PCDHB10: variants seen among roughly 807,000 people sequenced by gnomAD.
PCDHB10 encodes protocadherin beta 10.
For synonymous variants in PCDHB10, 448 were observed against 449.2 expected, an observed-to-expected ratio of 1.00 and a Z score of 0.04; for missense variants, 1,046 against 1,004.7, an observed-to-expected ratio of 1.04 and a Z score of -0.56.
In PCDHB10 at chr5:141,194,887, C is replaced by T; in HGVS notation, c.2335C>T (p.Gln779Ter). Reference protein sequence around the residue: ...LKPVISDIQAQGPGRKGEENS... With the variant: ...LKPVISDIQA ...ACCAGTTATTTCGGATATTCAGGCA[C>T]AGGGCCCTGGGAGGAAGGGTGAAGA... Residue 779 changes from glutamine (Q) to a stop codon, truncating the protein, a stop_gained, in exon 1 of 1, where the codon CAG becomes TAG. Transcript: ENST00000239446. LOFTEE classifies it low-confidence loss of function (END_TRUNC). 1 of 1,614,146 alleles carries T rather than the reference C, an allele frequency of 6.2e-7. No individual in the cohort carries two copies. Among genetic ancestry groups the T allele is most frequent in the South Asian group, 1.1e-5 (1 of 91,080 alleles).
At position 141,194,576 on chromosome 5, in the gene PCDHB10, A is replaced by G. The variant is rs782170583; in HGVS notation, c.2024A>G (p.Glu675Gly). Reference sequence around the variant, plus strand: ...TCCCAGCCCTACCTGCCTCTCCCGGAGGCGGCCCCGGCCCAGGCCCAGGCC... The same window carrying G: ...TCCCAGCCCTACCTGCCTCTCCCGGGGGCGGCCCCGGCCCAGGCCCAGGCC... ...GFSQPYLPLP[E>G]AAPAQAQAEA... is the part of the protein sequence containing the mutation. Residue 675 changes from glutamate (E) to glycine (G), a missense_variant, in exon 1 of 1, where the codon GAG becomes GGG. Physicochemically the swap from Glu to Gly is moderately conservative, Grantham distance 98 (BLOSUM62 -2). Coordinates refer to ENST00000239446, the MANE Select transcript of PCDHB10 (RefSeq NM_018930.4). The G allele has an allele frequency of 3.6e-5, 57 of 1,563,316 alleles. 4 individuals carry two copies. Among genetic ancestry groups the G allele is most frequent in the Non-Finnish European group, 4.8e-5 (56 of 1,161,078 alleles).
chr5:141,193,459 C>A lies in PCDHB10; in HGVS notation c.907C>A (p.Leu303Ile). 6.2e-7 allele frequency: 1 copy of A among 1,614,110 alleles called. No homozygotes were observed. The highest frequency in any genetic ancestry group is 8.5e-7 in the Non-Finnish European group (1 of 1,180,000). ...QINPFSGEIFLRELLDYELVN... is the reference protein window; with the variant it reads ...QINPFSGEIFIRELLDYELVN... ...CAATCCTTTTTCTGGGGAAATCTTT[C>A]TCAGAGAATTGCTTGATTATGAGTT... is the stretch of plus-strand genomic sequence containing the variant. The change falls in exon 1 of 1, where the codon CTC (leucine) becomes ATC (isoleucine). Residue 303 changes from leucine (L) to isoleucine (I), a missense_variant. Transcript: ENST00000239446.
Position 141,195,576 on chromosome 5 carries a change from C to G in PCDHB10, c.*621C>G, listed in dbSNP as rs1187678489. The G allele has an allele frequency of 6.0e-6, 1 of 166,258 alleles. No individual in the cohort carries two copies. The highest frequency in any genetic ancestry group is 1.5e-5 in the Non-Finnish European group (1 of 67,900). The allele number at this position is 166,258 out of a possible 1,614,324, so 10.3% of individuals were successfully genotyped here. Reference sequence around the variant, plus strand: ...TGCTGATGTATAAAACAGACTATGCCTTATAATTGAAATAAAATTATAATC... The same window carrying G: ...TGCTGATGTATAAAACAGACTATGCGTTATAATTGAAATAAAATTATAATC... On this transcript the variant is annotated 3_prime_UTR_variant, in exon 1 of 1. Transcript: ENST00000239446.
chr5:141,193,336 G>A lies in PCDHB10; in HGVS notation c.784G>A (p.Val262Ile). ...PENSPIGFLI[V>I]KVWAEDVDSG... is the part of the protein sequence containing the mutation. ...AAACAGCCCCATTGGGTTCCTTATT[G>A]TTAAGGTATGGGCAGAAGATGTAGA... is the stretch of plus-strand genomic sequence containing the variant. The change falls in exon 1 of 1, where the codon GTT becomes ATT. Residue 262 changes from valine (V) to isoleucine (I), a missense_variant. Transcript: ENST00000239446. The A allele has an allele frequency of 6.2e-7, 1 of 1,614,158 alleles. No individual in the cohort carries two copies. The highest frequency in any genetic ancestry group is 8.5e-7 in the Non-Finnish European group (1 of 1,180,018).
chr5:141,194,870 T>A lies in PCDHB10; in HGVS notation c.2318T>A (p.Ile773Asn). ...GAGTTCAAGTTCTTGAAACCAGTTA[T>A]TTCGGATATTCAGGCACAGGGCCCT... ...TSEFKFLKPV[I>N]SDIQAQGPGR... Residue 773 changes from isoleucine to asparagine, a missense_variant, in exon 1 of 1, where the codon ATT becomes AAT. Coordinates refer to ENST00000239446, the MANE Select transcript of PCDHB10 (RefSeq NM_018930.4). 1 of 1,614,180 alleles carries A rather than the reference T, an allele frequency of 6.2e-7. No individual in the cohort carries two copies. Among genetic ancestry groups the A allele is most frequent in the African/African-American group, 1.3e-5 (1 of 75,046 alleles).
Position 141,195,152 on chromosome 5 carries a change from A to G in PCDHB10, c.*197A>G. 1.9e-6 allele frequency: 1 copy of G among 533,044 alleles called. No individual in the cohort carries two copies. The allele number at this position is 533,044 out of a possible 1,614,324, so 33.0% of individuals were successfully genotyped here. ...TTTAATTTAATGAGTATTTTTTTCT[A>G]AATGATAGTGTTAAGGTTTTAATTC... On this transcript the variant is annotated 3_prime_UTR_variant, in exon 1 of 1. Coordinates refer to ENST00000239446, the MANE Select transcript of PCDHB10 (RefSeq NM_018930.4).
At position 141,195,589 on chromosome 5, in the gene PCDHB10, T is replaced by A. The variant is rs1198673633; in HGVS notation, c.*634T>A. 1 of 166,536 alleles carries A rather than the reference T, an allele frequency of 6.0e-6. No homozygotes were observed. Among genetic ancestry groups the A allele is most frequent in the Non-Finnish European group, 1.5e-5 (1 of 67,974 alleles). 10.3% of individuals were successfully genotyped at this position (166,536 alleles called of 1,614,324 possible). On this transcript the variant is annotated 3_prime_UTR_variant, in exon 1 of 1. Transcript: ENST00000239446. ...AACAGACTATGCCTTATAATTGAAATAAAATTATAATCTGCCTGAAAATGA... is the reference window on the plus strand; with the variant it reads ...AACAGACTATGCCTTATAATTGAAAAAAAATTATAATCTGCCTGAAAATGA...
Position 141,193,424 on chromosome 5 carries a change from C to A in PCDHB10, c.872C>A (p.Thr291Asn). The A allele has an allele frequency of 6.2e-7, 1 of 1,614,094 alleles. No homozygotes were observed. Among genetic ancestry groups the A allele is most frequent in the Non-Finnish European group, 8.5e-7 (1 of 1,180,014 alleles). ...FFDASENIRTTFQINPFSGEI... is the reference protein window; with the variant it reads ...FFDASENIRTNFQINPFSGEI... Reference sequence around the variant, plus strand: ...GATGCCTCAGAAAATATTCGAACAACCTTTCAAATCAATCCTTTTTCTGGG... The same window carrying A: ...GATGCCTCAGAAAATATTCGAACAAACTTTCAAATCAATCCTTTTTCTGGG... Residue 291 changes from threonine (T) to asparagine (N), a missense_variant, in exon 1 of 1, where the codon ACC becomes AAC. By Grantham distance (65) the Thr-to-Asn change is moderately conservative. Transcript: ENST00000239446.
Position 141,194,597 on chromosome 5 carries a change from AGGCCG to A in PCDHB10, c.2046_2050del (p.Ala683GlyfsTer61). ...CCGGAGGCGGCCCCGGCCCAGGCCCAGGCCGAGGCCGACTTGCTCACCGTCTACCT... is the reference window on the plus strand; with the variant it reads ...CCGGAGGCGGCCCCGGCCCAGGCCCAAGGCCGACTTGCTCACCGTCTACCT... On this transcript the variant is annotated frameshift_variant, in exon 1 of 1. Coordinates refer to ENST00000239446, the MANE Select transcript of PCDHB10 (RefSeq NM_018930.4). LOFTEE classifies it low-confidence loss of function (END_TRUNC). 2.4e-6 allele frequency: 2 copies of A among 833,940 alleles called. No individual in the cohort carries two copies. Among genetic ancestry groups the A allele is most frequent in the Non-Finnish European group, 3.1e-6 (2 of 647,610 alleles). 51.7% of individuals were successfully genotyped at this position (833,940 alleles called of 1,614,324 possible). A position where few individuals can be genotyped will look rare whatever the true frequency, so the allele number is the denominator to read the frequency against.
Position 141,193,882 on chromosome 5 carries a change from G to C in PCDHB10, c.1330G>C (p.Val444Leu), listed in dbSNP as rs782384506. Reference sequence around the variant, plus strand: ...CAACATAACGGTCCTGGTCTCCGACGTCAATGACAACGCCCCCGCCTTCAC... The same window carrying C: ...CAACATAACGGTCCTGGTCTCCGACCTCAATGACAACGCCCCCGCCTTCAC... Reference protein sequence around the residue: ...EHNITVLVSDVNDNAPAFTQT... With the variant: ...EHNITVLVSDLNDNAPAFTQT... Residue 444 changes from valine to leucine, a missense_variant, in exon 1 of 1, where the codon GTC becomes CTC. Coordinates refer to ENST00000239446, the MANE Select transcript of PCDHB10 (RefSeq NM_018930.4). 6.2e-7 allele frequency: 1 copy of C among 1,613,878 alleles called. No homozygotes were observed. The highest frequency in any genetic ancestry group is 1.3e-5 in the African/African-American group (1 of 74,988).
chr5:141,192,405 G>A lies in PCDHB10; in HGVS notation c.-148G>A. On this transcript the variant is annotated 5_prime_UTR_variant, in exon 1 of 1. Coordinates refer to ENST00000239446, the MANE Select transcript of PCDHB10 (RefSeq NM_018930.4). ...AAGACACGGACAGATGAACTTAAAA[G>A]AGAAGCTTTAGCTGCCAAAGATTGG... The A allele has an allele frequency of 1.0e-6, 1 of 989,596 alleles. No homozygotes were observed. Among genetic ancestry groups the A allele is most frequent in the East Asian group, 2.4e-5 (1 of 40,824 alleles). The allele number at this position is 989,596 out of a possible 1,614,324, so 61.3% of individuals were successfully genotyped here. A position where few individuals can be genotyped will look rare whatever the true frequency, so the allele number is the denominator to read the frequency against.
chr5:141,194,601 C>A lies in PCDHB10; in HGVS notation c.2049C>A (p.Ala683=), dbSNP rs1554284451. ...AGGCGGCCCCGGCCCAGGCCCAGGC[C>A]GAGGCCGACTTGCTCACCGTCTACC... ...LPEAAPAQAQ[A]EADLLTVYLV... The change falls in exon 1 of 1, where the codon GCC becomes GCA. Residue 683 remains alanine, a synonymous_variant. Coordinates refer to ENST00000239446, the MANE Select transcript of PCDHB10 (RefSeq NM_018930.4). 1 of 829,272 alleles carries A rather than the reference C, an allele frequency of 1.2e-6. No homozygotes were observed. The highest frequency in any genetic ancestry group is 8.1e-5 in the East Asian group (1 of 12,394). The allele number at this position is 829,272 out of a possible 1,614,324, so 51.4% of individuals were successfully genotyped here.
At position 141,194,507 on chromosome 5, in the gene PCDHB10, G is replaced by T. The variant is rs562383569; in HGVS notation, c.1955G>T (p.Arg652Leu). The change falls in exon 1 of 1, where the codon CGC (arginine) becomes CTC (leucine). Residue 652 changes from arginine (R) to leucine (L), a missense_variant. By Grantham distance (102) the Arg-to-Leu change is moderately radical. Transcript: ENST00000239446. ...VLVKDNGEPP[R>L]SATATLHLLL... ...GTCAAGGACAATGGCGAGCCTCCTCGCTCGGCCACCGCCACGCTGCACTTG... is the reference window on the plus strand; with the variant it reads ...GTCAAGGACAATGGCGAGCCTCCTCTCTCGGCCACCGCCACGCTGCACTTG... The T allele has an allele frequency of 2.2e-5, 35 of 1,588,392 alleles. 2 individuals carry two copies. Among genetic ancestry groups the T allele is most frequent in the African/African-American group, 1.3e-4 (10 of 74,810 alleles).
rs782047686 is a variant in PCDHB10 at position 141,192,942 on chromosome 5, G to T, written c.390G>T (p.Ala130=). The T allele has an allele frequency of 1.2e-6, 2 of 1,614,072 alleles. No individual in the cohort carries two copies. Among genetic ancestry groups the T allele is most frequent in the South Asian group, 1.1e-5 (1 of 91,072 alleles). Residue 130 remains alanine (A), a synonymous_variant, in exon 1 of 1, where the codon GCG becomes GCT. Transcript: ENST00000239446. ...ELRVRDINDH[A]PVFQDKETVL... ...GAGTCAGGGATATAAATGATCACGCGCCAGTATTTCAGGACAAAGAAACAG... is the reference window on the plus strand; with the variant it reads ...GAGTCAGGGATATAAATGATCACGCTCCAGTATTTCAGGACAAAGAAACAG...
chr5:141,193,211 C>T lies in PCDHB10; in HGVS notation c.659C>T (p.Pro220Leu). 1 of 1,614,084 alleles carries T rather than the reference C, an allele frequency of 6.2e-7. No homozygotes were observed. The highest frequency in any genetic ancestry group is 1.7e-5 in the Admixed American group (1 of 60,022). Residue 220 changes from proline to leucine, a missense_variant, in exon 1 of 1, where the codon CCA becomes CTA. Pro to Leu is a moderately conservative substitution (Grantham distance 98, BLOSUM62 -3). Transcript: ENST00000239446. ...LTLTALDGGS[P>L]SRSGTSTVRI... Reference sequence around the variant, plus strand: ...CTCACAGCGCTGGATGGTGGGTCTCCATCCAGGTCTGGGACCTCTACTGTA... The same window carrying T: ...CTCACAGCGCTGGATGGTGGGTCTCTATCCAGGTCTGGGACCTCTACTGTA...
Position 141,194,619 on chromosome 5 carries a change from C to CGTCT in PCDHB10, c.2068_2071dup (p.Tyr691CysfsTer56). On this transcript the variant is annotated frameshift_variant, in exon 1 of 1. Transcript: ENST00000239446. LOFTEE classifies it low-confidence loss of function (END_TRUNC). ...CCCAGGCCGAGGCCGACTTGCTCAC[C>CGTCT]GTCTACCTGGTGGTGGCGTTGGCCT... 2 of 1,597,298 alleles carry CGTCT rather than the reference C, an allele frequency of 1.3e-6. No individual in the cohort carries two copies. The highest frequency in any genetic ancestry group is 2.7e-5 in the African/African-American group (2 of 74,334).
chr5:141,194,620 GTCT>G lies in PCDHB10; in HGVS notation c.2069_2071del (p.Val690_Tyr691delinsAsp). 1 of 1,596,936 alleles carries G rather than the reference GTCT, an allele frequency of 6.3e-7. No homozygotes were observed. The highest frequency in any genetic ancestry group is 1.1e-5 in the South Asian group (1 of 90,460). ...CCAGGCCGAGGCCGACTTGCTCACC[GTCT>G]ACCTGGTGGTGGCGTTGGCCTCGGT... On this transcript the variant is annotated inframe_deletion, in exon 1 of 1. Transcript: ENST00000239446.
chr5:141,192,444 C>CA lies in PCDHB10; in HGVS notation c.-103dup. 27 of 1,420,594 alleles carry CA rather than the reference C, an allele frequency of 1.9e-5. No homozygotes were observed. The highest frequency in any genetic ancestry group is 2.6e-5 in the Non-Finnish European group (27 of 1,048,408). The allele number at this position is 1,420,594 out of a possible 1,614,324, so 88.0% of individuals were successfully genotyped here. ...GCCAAAGATTGGGAAAGGGAAAGGACAAAAAAGACCCCTGGGCTACACGGC... is the reference window on the plus strand; with the variant it reads ...GCCAAAGATTGGGAAAGGGAAAGGACAAAAAAAGACCCCTGGGCTACACGGC... On this transcript the variant is annotated 5_prime_UTR_variant, in exon 1 of 1. Transcript: ENST00000239446.
Position 141,194,297 on chromosome 5 carries a change from C to T in PCDHB10, c.1745C>T (p.Pro582Leu), listed in dbSNP as rs781812517. ...CTELVPRAAE[P>L]GYLVTKVVAV... The stretch of plus-strand genomic sequence containing the variant: ...GAGCTGGTGCCCCGGGCGGCCGAGC[C>T]GGGCTACCTGGTGACCAAGGTGGTG... The change falls in exon 1 of 1, where the codon CCG becomes CTG. Residue 582 changes from proline to leucine, a missense_variant. Physicochemically the swap from Pro to Leu is moderately conservative, Grantham distance 98. Transcript: ENST00000239446. The T allele has an allele frequency of 7.5e-6, 12 of 1,603,678 alleles. No homozygotes were observed. The highest frequency in any genetic ancestry group is 3.3e-5 in the Admixed American group (2 of 59,716).
Sources: gnomAD v4.1 joint callset for allele counts on GRCh38, gnomAD v4.1.1 for gene constraint, MANE v1.5 for transcripts, NCBI Gene and HGNC (gene_info 2026-07-23, HGNC 2026-07-21) for gene names.